UBE2E2: variants seen among roughly 807,000 people sequenced by gnomAD.
UBE2E2 encodes ubiquitin conjugating enzyme E2 E2.
Under a neutral mutation model 24.7 loss-of-function variants are expected in UBE2E2, and 6 were observed. That is an observed-to-expected ratio of 0.24 (90% CI 0.13 to 0.48). The LOEUF is 0.48. Ranked by LOEUF, UBE2E2 falls within the 20% of genes least tolerant of loss-of-function variation. The pLI is 0.99. For missense variants in UBE2E2, 169 were observed against 245.0 expected (o/e 0.69, Z 2.07); for synonymous variants, 104 against 83.6 (o/e 1.24, Z -1.33).
intron 3 of UBE2E2, among the ~76,000 whole-genome samples, chr3:23,357,707 G>A (rs1695998618): frequency 2.0e-5 from 3 of 152,056 alleles, no homozygotes; most frequent in Admixed American, 2.0e-4. Flanking sequence ...AATACAGAAA[G>A]CTTAGATGTA....
In UBE2E2 at chr3:23,287,181, T is replaced by C. The variant is rs563536235; in HGVS notation, c.227+69869T>C. Among the ~76,000 whole-genome samples, 9 of 152,260 alleles carry C rather than the reference T, an allele frequency of 5.9e-5. 1 individual carries two copies. In the South Asian group the frequency reaches 1.7e-3, roughly 28 times the overall value. Reference sequence around the variant, plus strand: ...TCAAATGCTTTTTCAGCAATGATCATATGGTTTTTGTCCTTCAATCTGTTG... The same window carrying C: ...TCAAATGCTTTTTCAGCAATGATCACATGGTTTTTGTCCTTCAATCTGTTG... On this transcript the variant is annotated intron_variant, in intron 3 of 5. Coordinates refer to ENST00000396703, the MANE Select transcript of UBE2E2 (RefSeq NM_152653.4).
chr3:23,287,900 C>A (rs907589296), intron 3 of UBE2E2, among the ~76,000 whole-genome samples: 2 of 151,064 alleles, frequency 1.3e-5, no homozygotes, highest in South Asian at 4.2e-4. Context: ...TTGTTGCTCT[C>A]GTATTTTCTT....
intron 3 of UBE2E2, among the ~76,000 whole-genome samples, chr3:23,238,266 G>A (rs1697171327): frequency 1.3e-5 from 2 of 152,086 alleles, no homozygotes; most frequent in East Asian, 3.8e-4. Context: ...CATCTCCTTA[G>A]TGTCAAAACC....
At chr3:23,255,868 G>A (rs1697708790) in intron 3 of UBE2E2, among the ~76,000 whole-genome samples, 1 of 152,198 alleles carries the variant, frequency 6.6e-6, no homozygotes, top group South Asian at 2.1e-4. Flanking sequence ...GGAGGCTGAG[G>A]CAGGAGGATT....
intron 4 of UBE2E2, among the ~76,000 whole-genome samples, chr3:23,518,000 C>T (rs994544532): frequency 1.3e-4 from 20 of 152,008 alleles, no homozygotes; most frequent in African/African-American, 4.6e-4. Context: ...AATTCTGAGT[C>T]ATTCTTATTC....
At chr3:23,491,389 C>G (rs1378564396) in intron 3 of UBE2E2, among the ~76,000 whole-genome samples, 1 of 152,068 alleles carries the variant, frequency 6.6e-6, no homozygotes, top group Non-Finnish European at 1.5e-5. Flanking sequence ...AGGCCTATGT[C>G]TATGTTTTTA....
intron 3 of UBE2E2, among the ~76,000 whole-genome samples, chr3:23,291,172 G>C (rs1359568943): frequency 6.6e-6 from 1 of 151,780 alleles, no homozygotes; most frequent in Non-Finnish European, 1.5e-5. Context: ...GCATAGCTTG[G>C]CCAGATAAGG....
chr3:23,416,186 A>G (rs544070101), intron 3 of UBE2E2, among the ~76,000 whole-genome samples: 69 of 152,304 alleles, frequency 4.5e-4, no homozygotes, highest in African/African-American at 1.6e-3. Flanking sequence ...GCTATTGTGA[A>G]CAGTGCTGCA....
At chr3:23,459,709 A>T (rs1338718334) in intron 3 of UBE2E2, among the ~76,000 whole-genome samples, 3 of 152,192 alleles carry the variant, frequency 2.0e-5, no homozygotes, top group Admixed American at 6.5e-5. Context: ...TTAAGTTGTT[A>T]TGGAAGTTTC....
intron 3 of UBE2E2, among the ~76,000 whole-genome samples, chr3:23,406,580 A>G (rs1262711310): frequency 2.0e-5 from 3 of 152,196 alleles, no homozygotes; most frequent in African/African-American, 7.2e-5. Context: ...TTAAATAAGT[A>G]AATGTAGTGA....
intron 3 of UBE2E2, among the ~76,000 whole-genome samples, chr3:23,308,374 A>G (rs9809364): frequency 0.042 from 6,376 of 152,228 alleles, 457 homozygotes; most frequent in African/African-American, 0.15. Flanking sequence ...TCATATTACC[A>G]TCATTATCCT....
chr3:23,518,967 G>T (rs1041545180), intron 4 of UBE2E2, among the ~76,000 whole-genome samples: 2 of 152,106 alleles, frequency 1.3e-5, no homozygotes, highest in African/African-American at 4.8e-5. Context: ...ATTTGAGAAC[G>T]AACATCATAT....
chr3:23,268,698 A>G lies in UBE2E2; in HGVS notation c.227+51386A>G, dbSNP rs1226140764. On this transcript the variant is annotated intron_variant, in intron 3 of 5. Transcript: ENST00000396703. The stretch of plus-strand genomic sequence containing the variant: ...GAGTTTCTTCACAGAATTGGAAAAA[A>G]CTACTTTAAAGTTCATATGGAACCA... Among the ~76,000 whole-genome samples the G allele has an allele frequency of 1.8e-3, 276 of 149,968 alleles. 1 individual carries two copies. Among genetic ancestry groups the G allele is most frequent in the African/African-American group, 6.5e-3 (264 of 40,410 alleles).
intron 5 of UBE2E2, among the ~76,000 whole-genome samples, chr3:23,588,144 T>C (rs1312856983): frequency 1.3e-5 from 2 of 152,202 alleles, no homozygotes; most frequent in African/African-American, 4.8e-5. Flanking sequence ...GCCGGTGGTG[T>C]TGGGCCACAG....
In UBE2E2 at chr3:23,474,609, T is replaced by C. The variant is rs778491; in HGVS notation, c.228-24999T>C. ...TAAGGATCTGAAAAGTTTAAATTTA[T>C]ATATGGTCACATTTACCCTGGTCAC... On this transcript the variant is annotated intron_variant, in intron 3 of 5. Coordinates refer to ENST00000396703, the MANE Select transcript of UBE2E2 (RefSeq NM_152653.4). The surrounding 1 kb of genome is among the most constrained non-coding windows in gnomAD (Gnocchi z 4.0). Among the ~76,000 whole-genome samples the C allele has an allele frequency of 0.24, 36,660 of 152,054 alleles. 4,539 individuals are homozygous for C. The highest frequency in any genetic ancestry group is 0.36 in the East Asian group (1,865 of 5,180).
intron 4 of UBE2E2, among the ~76,000 whole-genome samples, chr3:23,524,951 T>C (rs1694959869): frequency 6.6e-6 from 1 of 151,972 alleles, no homozygotes; most frequent in Non-Finnish European, 1.5e-5. Context: ...CTTGAAACAG[T>C]ATGAATTTAT....
intron 3 of UBE2E2, among the ~76,000 whole-genome samples, chr3:23,297,376 T>C (rs1290555969): frequency 6.6e-6 from 1 of 151,846 alleles, no homozygotes; most frequent in Non-Finnish European, 1.5e-5. Flanking sequence ...AGACATGAAG[T>C]CCTTGCCCAT....
intron 3 of UBE2E2, among the ~76,000 whole-genome samples, chr3:23,491,376 T>C (rs1408586187): frequency 6.6e-6 from 1 of 152,172 alleles, no homozygotes; most frequent in Non-Finnish European, 1.5e-5. Flanking sequence ...CCCCCAAAAT[T>C]AGAGGCCTAT....
chr3:23,558,183 A>G (rs1226022310), intron 5 of UBE2E2, among the ~76,000 whole-genome samples: 1 of 152,192 alleles, frequency 6.6e-6, no homozygotes, highest in Non-Finnish European at 1.5e-5. Context: ...TTGTCTAAAT[A>G]TTTCACCATG....
Sources: allele counts gnomAD v4.1 joint callset (sites outside exome capture counted in the v4.1 genomes callset), GRCh38; gene constraint gnomAD v4.1.1; non-coding constraint Gnocchi (gnomAD v3.1); transcripts MANE v1.5; gene names NCBI Gene and HGNC (gene_info 2026-07-23, HGNC 2026-07-21).